PPP1R7: variants seen among roughly 807,000 people sequenced by gnomAD.
The protein encoded by PPP1R7 is protein phosphatase 1 regulatory subunit 7, also known as protein phosphatase 1 regulatory subunit 22.
A neutral mutation model predicts 45.2 loss-of-function variants in PPP1R7; 18 were observed. That is an observed-to-expected ratio of 0.40 (90% CI 0.28 to 0.59). PPP1R7 has a LOEUF of 0.59. Ranked by LOEUF, PPP1R7 falls within the 20% of genes least tolerant of loss-of-function variation. The probability of loss-of-function intolerance (pLI) is 0.46; values close to 1 mark genes in which losing one functional copy is unlikely to be tolerated. For missense variants in PPP1R7, 314 were observed against 455.8 expected (o/e 0.69, Z 2.83); for synonymous variants, 181 against 183.4 (o/e 0.99, Z 0.11).
intron 9 of PPP1R7, among the ~76,000 whole-genome samples, chr2:241,177,641 A>C (rs1168126132): frequency 1.3e-5 from 2 of 152,228 alleles, no homozygotes; most frequent in Admixed American, 1.3e-4. Context: ...ATAGCAATAC[A>C]CAGTTCACCA....
chr2:241,162,969 G>C (rs970565932), intron 6 of PPP1R7, among the ~76,000 whole-genome samples: 4 of 152,128 alleles, frequency 2.6e-5, no homozygotes, highest in African/African-American at 7.2e-5. Flanking sequence ...GCCCGACAGG[G>C]GGACATTTTA....
intron 6 of PPP1R7, among the ~76,000 whole-genome samples, chr2:241,162,719 G>A: frequency 6.8e-6 from 1 of 146,474 alleles, no homozygotes; most frequent in African/African-American, 2.6e-5. Flanking sequence ...GTCTCGTGCT[G>A]TTGCCCAGGC....
At position 241,151,091 on chromosome 2, in the gene PPP1R7, T is replaced by C. The variant is rs2067281908; in HGVS notation, c.52+544T>C. Among the ~76,000 whole-genome samples the C allele has an allele frequency of 2.0e-5, 3 of 152,364 alleles. No individual in the cohort carries two copies. In the South Asian group the frequency reaches 6.2e-4, roughly 32 times the overall value. On this transcript the variant is annotated intron_variant, in intron 1 of 9. Coordinates refer to ENST00000234038, the MANE Select transcript of PPP1R7 (RefSeq NM_002712.3). ...TCCAAAAAGTCTGAATTCAACTTTC[T>C]TCCTCCTCATTCACTTTGTTGGAAA...
chr2:241,156,925 G>A (rs1313836023), intron 2 of PPP1R7, among the ~76,000 whole-genome samples: 3 of 152,096 alleles, frequency 2.0e-5, no homozygotes, highest in Non-Finnish European at 4.4e-5. Context: ...GCATGCGTGT[G>A]TCTGTGTAGT....
chr2:241,157,900 A>T, intron 3 of PPP1R7, 38 bp downstream of exon 3: 1 of 1,581,832 alleles, frequency 6.3e-7, no homozygotes, highest in South Asian at 1.1e-5. Flanking sequence ...GGGCGTGGTG[A>T]TGGACCACCC....
At chr2:241,164,554 G>T (rs1031006870) in intron 7 of PPP1R7, among the ~76,000 whole-genome samples, 3 of 152,204 alleles carry the variant, frequency 2.0e-5, no homozygotes, top group African/African-American at 7.2e-5. Flanking sequence ...TGAGGGGCAT[G>T]TGGAAACCGC....
At chr2:241,157,897 G>A (rs772302115) in intron 3 of PPP1R7, 35 bp downstream of exon 3, 7 of 1,588,424 alleles carry the variant, frequency 4.4e-6, no homozygotes, top group East Asian at 4.5e-5. Context: ...CTTGGGCGTG[G>A]TGATGGACCA....
chr2:241,162,884 C>T (rs958227022), intron 6 of PPP1R7, among the ~76,000 whole-genome samples: 2 of 152,050 alleles, frequency 1.3e-5, no homozygotes, highest in African/African-American at 4.8e-5. Flanking sequence ...AGGGTTTCAC[C>T]GTGTTAGCCA....
intron 4 of PPP1R7, 155 bp from the exon 5 acceptor site, chr2:241,159,058 G>C: frequency 3.3e-6 from 3 of 913,020 alleles, no homozygotes; most frequent in Non-Finnish European, 3.3e-6. Flanking sequence ...TTGCCCACCT[G>C]CCTCTCAAAG....
At chr2:241,161,945 T>C (rs2067602041) in intron 6 of PPP1R7, among the ~76,000 whole-genome samples, 2 of 152,198 alleles carry the variant, frequency 1.3e-5, no homozygotes, top group African/African-American at 4.8e-5. Context: ...CCCCTGCCCA[T>C]GTTCAGAATG....
At chr2:241,152,538 T>C (rs1365022209) in intron 1 of PPP1R7, among the ~76,000 whole-genome samples, 1 of 152,220 alleles carries the variant, frequency 6.6e-6, no homozygotes, top group Non-Finnish European at 1.5e-5. Context: ...GTGGGTTTTA[T>C]AAGGACTTGT....
At chr2:241,156,437 A>G (rs141659813) in intron 2 of PPP1R7, among the ~76,000 whole-genome samples, 3,758 of 152,314 alleles carry the variant, frequency 0.025, 143 homozygotes, top group African/African-American at 0.085. Flanking sequence ...TTGGGAGGCC[A>G]AGGTGGGAGG....
intron 2 of PPP1R7, 39 bp from the exon 3 acceptor site, chr2:241,157,768 A>G: frequency 1.3e-6 from 2 of 1,592,432 alleles, no homozygotes; most frequent in African/African-American, 1.3e-5. Context: ...CCTCCTGTTA[A>G]TGGGGTTCTG....
intron 8 of PPP1R7, chr2:241,167,146 A>G: frequency 7.2e-7 from 1 of 1,384,226 alleles, no homozygotes; most frequent in Non-Finnish European, 1.0e-6. Context: ...GCGGTGTTCA[A>G]GACAAATAAA....
At position 241,172,686 on chromosome 2, in the gene PPP1R7, A is replaced by G. The variant is rs544437317; in HGVS notation, c.906+2819A>G. On this transcript the variant is annotated intron_variant, in intron 9 of 9. Coordinates refer to ENST00000234038, the MANE Select transcript of PPP1R7 (RefSeq NM_002712.3). The stretch of plus-strand genomic sequence containing the variant: ...AATTTAAAAACAAGAAAACTCACTT[A>G]TTTTACCTTTTCTGGCATTGTTTAT... Among the ~76,000 whole-genome samples the G allele has an allele frequency of 2.6e-5, 4 of 151,462 alleles. No homozygotes were observed. The East Asian group carries it at 7.7e-4, about 29-fold the overall frequency.
Position 241,169,946 on chromosome 2 carries a change from C to T in PPP1R7, c.906+79C>T. The T allele has an allele frequency of 1.0e-5, 12 of 1,186,342 alleles. No individual in the cohort carries two copies. In the South Asian group the frequency reaches 1.4e-4, roughly 14 times the overall value. The allele number at this position is 1,186,342 out of a possible 1,614,324, so 73.5% of individuals were successfully genotyped here. A position where few individuals can be genotyped will look rare whatever the true frequency, so the allele number is the denominator to read the frequency against. ...GATTAAAATGTCTTATGAATGAATA[C>T]AAGAATCTCCTGTAAGCCTTCATGC... On this transcript the variant is annotated intron_variant, in intron 9 of 9. Coordinates refer to ENST00000234038, the MANE Select transcript of PPP1R7 (RefSeq NM_002712.3).
rs561984354 is a variant in PPP1R7, at chr2:241,164,823, G to A, written c.714+1422G>A. Among the ~76,000 whole-genome samples the A allele has an allele frequency of 7.6e-4, 116 of 152,242 alleles. 2 individuals are homozygous for A. In the South Asian group the frequency reaches 0.023, roughly 30 times the overall value. ...AGCCCTTTGGGAGGCCAAGGCAGGC[G>A]GTTCATTTGAGGTCAGGAGTTTGAG... On this transcript the variant is annotated intron_variant, in intron 7 of 9. Transcript: ENST00000234038.
chr2:241,152,338 T>A (rs1462625761), intron 1 of PPP1R7, among the ~76,000 whole-genome samples: 1 of 152,202 alleles, frequency 6.6e-6, no homozygotes, highest in Non-Finnish European at 1.5e-5. Flanking sequence ...ACTTTTGGAC[T>A]CAAAAGATCA....
At chr2:241,165,323 C>T (rs1430853421) in intron 7 of PPP1R7, among the ~76,000 whole-genome samples, 5 of 151,932 alleles carry the variant, frequency 3.3e-5, no homozygotes, top group South Asian at 2.1e-4. Context: ...TGCACCACCA[C>T]GCCCGGCTAA....
Sources: allele counts gnomAD v4.1 joint callset (sites outside exome capture counted in the v4.1 genomes callset), GRCh38; gene constraint gnomAD v4.1.1; transcripts MANE v1.5; gene names NCBI Gene and HGNC (gene_info 2026-07-23, HGNC 2026-07-21).